SLC36A1: variants seen among roughly 807,000 people sequenced by gnomAD.
SLC36A1 encodes the protein solute carrier family 36 member 1, also known as proton-coupled amino acid transporter 1.
A neutral mutation model predicts 47.5 loss-of-function variants in SLC36A1; 30 were observed. That is an observed-to-expected ratio of 0.63 (90% CI 0.47 to 0.86). SLC36A1 has a LOEUF of 0.86. Ranked by LOEUF, SLC36A1 falls within the 40% of genes least tolerant of loss-of-function variation. SLC36A1 has a pLI of 0.00. For missense variants in SLC36A1, 517 were observed against 606.0 expected (o/e 0.85, Z 1.54); for synonymous variants, 255 against 249.7 (o/e 1.02, Z -0.20).
At chr5:151,554,254 T>C in the SLC36A1 span, 2,059 of 1,004,762 alleles carry the variant, frequency 2.0e-3, 25 homozygotes, top group African/African-American at 0.03. Context: ...GGAAGGAGAG[T>C]ACCATTTCCC....
At chr5:151,454,233 A>G (rs1276614620) in intron 1 of SLC36A1, among the ~76,000 whole-genome samples, 1 of 152,014 alleles carries the variant, frequency 6.6e-6, no homozygotes, top group Non-Finnish European at 1.5e-5. Flanking sequence ...GCTTGCCTTC[A>G]ACTCTCACAT....
At chr5:151,353,874 TG>T in the SLC36A1 span, among the ~76,000 whole-genome samples, 1 of 152,252 alleles carries the variant, frequency 6.6e-6, no homozygotes, top group Non-Finnish European at 1.5e-5. Flanking sequence ...GTTTTCTCCA[TG>T]TTTTTTTATG....
the SLC36A1 span, among the ~76,000 whole-genome samples, chr5:151,539,853 C>T: frequency 6.6e-6 from 1 of 152,218 alleles, no homozygotes; most frequent in Non-Finnish European, 1.5e-5. Context: ...AGTTGAATTA[C>T]ATGAGATCCT....
At chr5:151,440,528 G>C (rs2037356931) in intron 1 of SLC36A1, among the ~76,000 whole-genome samples, 1 of 151,438 alleles carries the variant, frequency 6.6e-6, no homozygotes, top group African/African-American at 2.4e-5. Context: ...GGGTTGCTAT[G>C]ACATCTCAGG....
chr5:151,415,197 C>G, the SLC36A1 span, among the ~76,000 whole-genome samples: 1 of 152,186 alleles, frequency 6.6e-6, no homozygotes, highest in African/African-American at 2.4e-5. Context: ...TCTTGCCCCT[C>G]AATCTATGTC....
the SLC36A1 span, chr5:151,381,925 T>C: frequency 2.8e-6 from 1 of 358,154 alleles, no homozygotes; most frequent in African/African-American, 2.1e-5. Context: ...GCAATTCCCT[T>C]GTCTTGATGA....
the SLC36A1 span, chr5:151,406,404 A>G: frequency 5.3e-5 from 8 of 152,116 alleles, no homozygotes; most frequent in African/African-American, 1.9e-4. Flanking sequence ...TATCTACCCC[A>G]TGCACCTTCT....
the SLC36A1 span, among the ~76,000 whole-genome samples, chr5:151,368,603 C>T: frequency 1.3e-5 from 2 of 152,286 alleles, no homozygotes; most frequent in East Asian, 3.9e-4. Context: ...GTGTCCTGAA[C>T]CACCTTCTTA....
the SLC36A1 span, among the ~76,000 whole-genome samples, chr5:151,428,975 G>T: frequency 1.3e-5 from 2 of 152,156 alleles, no homozygotes; most frequent in African/African-American, 2.4e-5. Flanking sequence ...AAAGCTCCTT[G>T]TGAAATGGGT....
intron 10 of SLC36A1, among the ~76,000 whole-genome samples, chr5:151,484,368 A>G (rs1013636323): frequency 2.0e-5 from 3 of 152,190 alleles, no homozygotes; most frequent in Non-Finnish European, 1.5e-5. Flanking sequence ...CTTTATCCAT[A>G]CAAAACCGAG....
intron 1 of SLC36A1, among the ~76,000 whole-genome samples, chr5:151,453,952 C>G (rs1446353409): frequency 6.6e-6 from 1 of 151,834 alleles, no homozygotes; most frequent in Admixed American, 6.6e-5. Context: ...GTGATTCCAC[C>G]TGCTCATTTT....
chr5:151,347,297 G>C, the SLC36A1 span: 1 of 1,614,172 alleles, frequency 6.2e-7, no homozygotes, highest in South Asian at 1.1e-5. Flanking sequence ...CAGCACTCAC[G>C]TTATGCCCTT....
chr5:151,465,080 T>C lies in SLC36A1; in HGVS notation c.330T>C (p.Asn110=), dbSNP rs777957626. Residue 110 remains asparagine, a synonymous_variant, in exon 5 of 11, where the codon AAT becomes AAC. Transcript: ENST00000243389. The part of the protein sequence containing the change: ...KCAHHFCRRL[N]KSFVDYGDTV... ...TTCCCTCCTACTCTTCCAGGCTGAA[T>C]AAATCCTTTGTGGATTATGGTGATA... 8.7e-6 allele frequency: 14 copies of C among 1,613,384 alleles called. No homozygotes were observed. The highest frequency in any genetic ancestry group is 1.0e-5 in the Non-Finnish European group (12 of 1,179,412).
At chr5:151,392,443 G>C in the SLC36A1 span, among the ~76,000 whole-genome samples, 1 of 152,082 alleles carries the variant, frequency 6.6e-6, no homozygotes, top group African/African-American at 2.4e-5. Flanking sequence ...CCTTCTGCTA[G>C]CTTTTGAATG....
At position 151,490,934 on chromosome 5, in the gene SLC36A1, A is replaced by G. The variant is rs543130458; in HGVS notation, c.*2680A>G. The G allele has an allele frequency of 2.0e-5, 3 of 152,206 alleles. No individual in the cohort carries two copies. The highest frequency in any genetic ancestry group is 4.4e-5 in the Non-Finnish European group (3 of 68,090). 9.4% of individuals were successfully genotyped at this position (152,206 alleles called of 1,614,324 possible). A position where few individuals can be genotyped will look rare whatever the true frequency, so the allele number is the denominator to read the frequency against. ...GAGCCCTCCCCAGTGTCTTCCCAGG[A>G]TAAGTAGAAATATGATCACAGAGCA... On this transcript the variant is annotated 3_prime_UTR_variant, in exon 11 of 11. Transcript: ENST00000243389.
At chr5:151,545,318 G>A in the SLC36A1 span, 25 of 1,613,996 alleles carry the variant, frequency 1.5e-5, no homozygotes, top group African/African-American at 1.3e-4. Flanking sequence ...GTGAGCTTCC[G>A]AGAGAGTCCC....
At chr5:151,471,495 C>T (rs1383818990) in intron 7 of SLC36A1, among the ~76,000 whole-genome samples, 2 of 152,138 alleles carry the variant, frequency 1.3e-5, no homozygotes. Flanking sequence ...TGAATAAGAG[C>T]AGGAGTCATT....
the SLC36A1 span, among the ~76,000 whole-genome samples, chr5:151,400,535 C>T: frequency 6.6e-6 from 1 of 152,136 alleles, no homozygotes; most frequent in East Asian, 1.9e-4. Context: ...AGTGGGATTG[C>T]TGACTCGAAT....
At chr5:151,498,868 C>A in the SLC36A1 span, among the ~76,000 whole-genome samples, 6 of 152,276 alleles carry the variant, frequency 3.9e-5, no homozygotes, top group East Asian at 7.7e-4. Flanking sequence ...TTTACAGCTC[C>A]CTCCTCAGCA....
Sources: gnomAD v4.1 joint callset for allele counts (sites outside exome capture counted in the v4.1 genomes callset) on GRCh38, gnomAD v4.1.1 for gene constraint, MANE v1.5 for transcripts, NCBI Gene and HGNC (gene_info 2026-07-23, HGNC 2026-07-21) for gene names.